RALGAPA1: variants seen among roughly 807,000 people sequenced by gnomAD.
RALGAPA1 encodes the protein ral GTPase-activating protein subunit alpha-1.
Under a neutral mutation model 269.6 loss-of-function variants are expected in RALGAPA1, and 52 were observed. That is an observed-to-expected ratio of 0.19 (90% CI 0.15 to 0.24). The LOEUF is 0.24. Among genes scored for constraint, RALGAPA1 ranks in the 10% least tolerant of loss-of-function variants. The pLI, the probability that RALGAPA1 is intolerant of heterozygous loss-of-function variation, is 1.00. For synonymous variants in RALGAPA1, 817 were observed against 1,008.3 expected (o/e 0.81, Z 3.60); for missense variants, 1,917 against 3,013.9 (o/e 0.64, Z 8.52).
At chr14:35,731,737 AT>A (rs1437717791) in intron 12 of RALGAPA1, among the ~76,000 whole-genome samples, 1 of 152,226 alleles carries the variant, frequency 6.6e-6, no homozygotes, top group African/African-American at 2.4e-5. Flanking sequence ...GTCTGGGATT[AT>A]GTTAAACAAC....
At chr14:35,587,719 G>A (rs1566757205) in intron 37 of RALGAPA1, among the ~76,000 whole-genome samples, 1 of 151,888 alleles carries the variant, frequency 6.6e-6, no homozygotes, top group African/African-American at 2.4e-5. Flanking sequence ...GGCCTGTCGT[G>A]GGGTGGGGGG....
At chr14:35,771,419 A>AAACG (rs2074611500) in intron 3 of RALGAPA1, among the ~76,000 whole-genome samples, 1 of 152,088 alleles carries the variant, frequency 6.6e-6, no homozygotes, top group Non-Finnish European at 1.5e-5. Flanking sequence ...CAAAACAAAC[A>AAACG]AACAAACAAA....
rs1481252786 is a variant in RALGAPA1 at position 35,627,841 on chromosome 14, T to C, written c.6106A>G (p.Thr2036Ala). The C allele has an allele frequency of 6.3e-7, 1 of 1,592,914 alleles. No homozygotes were observed. The highest frequency in any genetic ancestry group is 2.2e-5 in the East Asian group (1 of 44,798). Residue 2036 changes from threonine (T) to alanine (A), a missense_variant, in exon 34 of 42, where the codon ACA becomes GCA. Around this residue, in one of 11 missense-constraint regions of RALGAPA1, gnomAD observed 346 missense variants for 566.1 expected, o/e 0.61. Coordinates refer to ENST00000680220, the MANE Select transcript of RALGAPA1 (RefSeq NM_001346249.2). The stretch of plus-strand genomic sequence containing the variant: ...TCGTGATTTTCACACACCTGACTTG[T>C]TAGCATAGCAGGACCACCGCTCATT... ...YPMSGGPAML[T>A]SQVCENHDNH... is the part of the protein sequence containing the mutation.
intron 1 of RALGAPA1, among the ~76,000 whole-genome samples, chr14:35,804,463 G>A (rs990744873): frequency 6.6e-6 from 1 of 151,844 alleles, no homozygotes; most frequent in Admixed American, 6.6e-5. Flanking sequence ...CAGCTACTTA[G>A]GAGGCTGAGG....
intron 39 of RALGAPA1, among the ~76,000 whole-genome samples, chr14:35,550,691 T>C (rs978800034): frequency 7.2e-5 from 11 of 152,204 alleles, no homozygotes; most frequent in Non-Finnish European, 1.5e-4. Context: ...TAAGTGGCTT[T>C]CATATTACAA....
chr14:35,580,280 T>A (rs1191579432), intron 37 of RALGAPA1, among the ~76,000 whole-genome samples: 1 of 152,198 alleles, frequency 6.6e-6, no homozygotes, highest in Non-Finnish European at 1.5e-5. Context: ...AAGCAGAGTA[T>A]CAGCAAGTGG....
At chr14:35,636,282 A>G (rs1046361763) in intron 31 of RALGAPA1, among the ~76,000 whole-genome samples, 3 of 152,270 alleles carry the variant, frequency 2.0e-5, no homozygotes, top group African/African-American at 7.2e-5. Context: ...CAATAGCAGA[A>G]TTCATTGTAT....
intron 17 of RALGAPA1, 111 bp downstream of exon 17, chr14:35,700,051 A>T: frequency 1.1e-6 from 1 of 947,276 alleles, no homozygotes; most frequent in Non-Finnish European, 1.5e-6. Context: ...ACTTTCCCAC[A>T]CCTCCCCCAA....
chr14:35,626,866 C>T (rs2061021216), intron 34 of RALGAPA1, among the ~76,000 whole-genome samples: 1 of 151,414 alleles, frequency 6.6e-6, no homozygotes, highest in African/African-American at 2.4e-5. Context: ...TCAAATAGTT[C>T]CAGTAGTTAT....
intron 39 of RALGAPA1, among the ~76,000 whole-genome samples, chr14:35,558,691 C>T (rs543300988): frequency 6.6e-6 from 1 of 152,252 alleles, no homozygotes; most frequent in African/African-American, 2.4e-5. Context: ...CTTCTCTTTT[C>T]TGAACAGCAA....
At chr14:35,614,212 C>A (rs12588288) in intron 35 of RALGAPA1, among the ~76,000 whole-genome samples, 3,401 of 152,180 alleles carry the variant, frequency 0.022, 122 homozygotes, top group South Asian at 0.14. Flanking sequence ...TATCATCCAG[C>A]AATTCTACTC....
At chr14:35,580,825 G>A (rs1428631722) in intron 37 of RALGAPA1, among the ~76,000 whole-genome samples, 1 of 152,074 alleles carries the variant, frequency 6.6e-6, no homozygotes, top group African/African-American at 2.4e-5. Context: ...GCTTGCCAGA[G>A]GCATGGCTAT....
chr14:35,580,885 C>T (rs562550410), intron 37 of RALGAPA1, among the ~76,000 whole-genome samples: 2 of 152,250 alleles, frequency 1.3e-5, no homozygotes, highest in East Asian at 3.9e-4. Flanking sequence ...GTATTAAACT[C>T]CTTGCTGAGG....
At chr14:35,761,122 AG>A in intron 5 of RALGAPA1, 116 bp from the exon 6 acceptor site, 2 of 659,456 alleles carry the variant, frequency 3.0e-6, no homozygotes, top group Non-Finnish European at 4.9e-6. Flanking sequence ...GAGGCAGGGT[AG>A]GGAAGGAAGG....
intron 35 of RALGAPA1, among the ~76,000 whole-genome samples, chr14:35,607,613 G>T (rs1658433594): frequency 1.3e-5 from 2 of 152,176 alleles, no homozygotes; most frequent in Non-Finnish European, 2.9e-5. Flanking sequence ...GAGTGACACT[G>T]CCACTCCAGG....
chr14:35,559,323 C>A (rs1228545241), intron 39 of RALGAPA1, among the ~76,000 whole-genome samples: 1 of 152,192 alleles, frequency 6.6e-6, no homozygotes, highest in Non-Finnish European at 1.5e-5. Context: ...TTCTGCTTTA[C>A]ATCCTTTCTT....
At chr14:35,805,994 A>G (rs2077349475) in intron 1 of RALGAPA1, among the ~76,000 whole-genome samples, 1 of 152,058 alleles carries the variant, frequency 6.6e-6, no homozygotes, top group Non-Finnish European at 1.5e-5. Flanking sequence ...AGCTGATTAT[A>G]CATATATTAT....
chr14:35,766,874 C>T, intron 4 of RALGAPA1: 1 of 444,446 alleles, frequency 2.2e-6, no homozygotes, highest in Non-Finnish European at 4.4e-6. Flanking sequence ...TATTTTTACA[C>T]AGGCTGTAAA....
intron 37 of RALGAPA1, among the ~76,000 whole-genome samples, chr14:35,573,284 C>T (rs1441659488): frequency 6.6e-6 from 1 of 152,090 alleles, no homozygotes. Context: ...AAACACAAAA[C>T]ATTCAGAAGT....
Sources: gnomAD v4.1 joint callset for allele counts (sites outside exome capture counted in the v4.1 genomes callset) on GRCh38, gnomAD v4.1.1 for gene constraint, gnomAD v4.1.1 regional missense constraint, MANE v1.5 for transcripts, NCBI Gene and HGNC (gene_info 2026-07-23, HGNC 2026-07-21) for gene names.